Variants in SUSD4 observed in about 807,000 individuals in gnomAD.
SUSD4 encodes the protein sushi domain containing 4.
A neutral mutation model predicts 50.5 loss-of-function variants in SUSD4; 41 were observed. The ratio of observed to expected loss-of-function variants is 0.81; its 90% CI spans 0.63 to 1.05. SUSD4 has a LOEUF of 1.05. SUSD4 is among the 50% of genes least tolerant of loss of function. The pLI is 0.00. For synonymous variants in SUSD4, 257 were observed against 257.3 expected (o/e 1.00, Z 0.01); for missense variants, 580 against 634.7 (o/e 0.91, Z 0.93).
Position 223,229,187 on chromosome 1 carries a change from T to C in SUSD4, c.916+10A>G, listed in dbSNP as rs769928345. On this transcript the variant is annotated intron_variant, in intron 6 of 8. Transcript: ENST00000366878. This position sits in a 1 kb window ranked among gnomAD's most constrained non-coding sequence, Gnocchi z 4.7. Reference sequence around the variant, plus strand: ...TCCATCTCCTCCAAGGGTGAGGCCTTCAGTCTTACCTGATTTGATGCAGTA... The same window carrying C: ...TCCATCTCCTCCAAGGGTGAGGCCTCCAGTCTTACCTGATTTGATGCAGTA... 4.4e-6 allele frequency: 7 copies of C among 1,589,594 alleles called. No individual in the cohort carries two copies. Among genetic ancestry groups the C allele is most frequent in the Admixed American group, 1.7e-5 (1 of 59,608 alleles).
rs1283654069 is a variant in SUSD4, at chr1:223,229,372, T to C, written c.741A>G (p.Pro247=). The C allele has an allele frequency of 1.9e-6, 3 of 1,598,188 alleles. No homozygotes were observed. Among genetic ancestry groups the C allele is most frequent in the Non-Finnish European group, 2.6e-6 (3 of 1,167,600 alleles). ...CLALEVCPLP[P]MVSHGDFVCH... is the part of the protein sequence containing the mutation. ...AGACGAAATCTCCGTGACTCACCATTGGAGGTAGTGGACAGACTTGGGCAG... is the reference window on the plus strand; with the variant it reads ...AGACGAAATCTCCGTGACTCACCATCGGAGGTAGTGGACAGACTTGGGCAG... Residue 247 remains proline, a synonymous_variant, in exon 6 of 9, where the codon CCA becomes CCG. Coordinates refer to ENST00000366878, the MANE Select transcript of SUSD4 (RefSeq NM_017982.4). This position sits in a 1 kb window ranked among gnomAD's most constrained non-coding sequence, Gnocchi z 4.7.
At chr1:223,247,412 C>T (rs1661013401) in intron 5 of SUSD4, among the ~76,000 whole-genome samples, 1 of 152,218 alleles carries the variant, frequency 6.6e-6, no homozygotes, top group South Asian at 2.1e-4. Context: ...CCACTGGCCC[C>T]TGAATGACTG....
chr1:223,303,940 T>C (rs1665350790), intron 2 of SUSD4, among the ~76,000 whole-genome samples: 1 of 152,200 alleles, frequency 6.6e-6, no homozygotes, highest in South Asian at 2.1e-4. Context: ...TAGCAAGATA[T>C]TAATCAGCAG....
chr1:223,223,674 C>T lies in SUSD4; in HGVS notation c.1062-43G>A, dbSNP rs920942568. 9.7e-6 allele frequency: 15 copies of T among 1,544,980 alleles called. No homozygotes were observed. In the African/African-American group the frequency reaches 1.9e-4, roughly 20 times the overall value. ...GTGCCAACATGTGAGAGCCATGCCA[C>T]TCTGGGGATGAGGCCACCCATACTC... On this transcript the variant is annotated intron_variant, in intron 7 of 8. Coordinates refer to ENST00000366878, the MANE Select transcript of SUSD4 (RefSeq NM_017982.4).
At chr1:223,359,790 G>C (rs752113098) in intron 2 of SUSD4, among the ~76,000 whole-genome samples, 11 of 152,198 alleles carry the variant, frequency 7.2e-5, no homozygotes, top group South Asian at 2.1e-4. Context: ...AGAACTTACT[G>C]ACTAGGGAAA....
At chr1:223,319,491 G>A (rs1020069518) in intron 2 of SUSD4, among the ~76,000 whole-genome samples, 10 of 152,098 alleles carry the variant, frequency 6.6e-5, no homozygotes, top group African/African-American at 2.4e-4. Context: ...CAAGATGAAC[G>A]AGTCCAGCAG....
chr1:223,298,825 C>A (rs1360871532), intron 2 of SUSD4, among the ~76,000 whole-genome samples: 3 of 152,202 alleles, frequency 2.0e-5, no homozygotes, highest in Non-Finnish European at 2.9e-5. Context: ...GCGCTTATTC[C>A]TTTCCCTTTA....
intron 8 of SUSD4, 84 bp downstream of exon 8, chr1:223,223,165 A>G: frequency 6.7e-7 from 1 of 1,485,044 alleles, no homozygotes; most frequent in Non-Finnish European, 8.9e-7. Context: ...TGGGGGGTGG[A>G]GCGTGCGTAG....
At chr1:223,296,902 T>C (rs1426782922) in intron 2 of SUSD4, among the ~76,000 whole-genome samples, 2 of 152,192 alleles carry the variant, frequency 1.3e-5, no homozygotes, top group Non-Finnish European at 2.9e-5. Context: ...TGTGGAACTA[T>C]GAATCAATTA....
chr1:223,278,152 G>A (rs1387395119), intron 3 of SUSD4, among the ~76,000 whole-genome samples: 1 of 152,226 alleles, frequency 6.6e-6, no homozygotes, highest in Admixed American at 6.5e-5. Context: ...GCAGAAGACA[G>A]AAGATTTCTG....
At chr1:223,319,193 T>C (rs577435441) in intron 2 of SUSD4, among the ~76,000 whole-genome samples, 2 of 95,152 alleles carry the variant, frequency 2.1e-5, no homozygotes, top group Non-Finnish European at 4.2e-5. Flanking sequence ...CCTAAAACCA[T>C]AAAAACCCTA....
At chr1:223,273,586 T>TA (rs1257998128) in intron 3 of SUSD4, among the ~76,000 whole-genome samples, 2 of 152,228 alleles carry the variant, frequency 1.3e-5, no homozygotes, top group East Asian at 3.8e-4. Flanking sequence ...TAGTCCATGC[T>TA]AACATGTGAT....
chr1:223,233,262 T>A (rs1291015299), intron 5 of SUSD4, among the ~76,000 whole-genome samples: 2 of 152,298 alleles, frequency 1.3e-5, no homozygotes, highest in African/African-American at 4.8e-5. Context: ...GTGTTTGTAA[T>A]GATTGCACCT....
At position 223,332,106 on chromosome 1, in the gene SUSD4, T is replaced by A. The variant is rs1667209494; in HGVS notation, c.148+31172A>T. On this transcript the variant is annotated intron_variant, in intron 2 of 8. Transcript: ENST00000366878. This position sits in a 1 kb window ranked among gnomAD's most constrained non-coding sequence, Gnocchi z 4.0. ...AGCCTGGTTACAAAGCCCCCTATTC[T>A]CCAGTTGCTGATTTCTAGTCCTCTT... Among the ~76,000 whole-genome samples the A allele has an allele frequency of 6.6e-6, 1 of 152,148 alleles. No homozygotes were observed. Among genetic ancestry groups the A allele is most frequent in the Non-Finnish European group, 1.5e-5 (1 of 68,026 alleles).
chr1:223,273,348 C>T (rs1663043024), intron 3 of SUSD4, among the ~76,000 whole-genome samples: 1 of 152,132 alleles, frequency 6.6e-6, no homozygotes, highest in African/African-American at 2.4e-5. Flanking sequence ...GATTTATATC[C>T]TCAAAGGGTT....
intron 2 of SUSD4, among the ~76,000 whole-genome samples, chr1:223,348,893 C>T (rs1321510723): frequency 6.6e-6 from 1 of 152,110 alleles, no homozygotes; most frequent in African/African-American, 2.4e-5. Flanking sequence ...ATATACAAGT[C>T]TTCATACATG....
chr1:223,309,900 C>T (rs1352176095), intron 2 of SUSD4, among the ~76,000 whole-genome samples: 1 of 152,188 alleles, frequency 6.6e-6, no homozygotes, highest in Non-Finnish European at 1.5e-5. Context: ...TTACAGGGTT[C>T]CACATCAAAT....
rs533451092 is a variant in SUSD4 at position 223,264,891 on chromosome 1, C to T, written c.536-73G>A. ...GTACATCGAAAAGTCACACAGAACA[C>T]TGGAACTTTTTAGGATTCCCCCACC... On this transcript the variant is annotated intron_variant, in intron 4 of 8. Coordinates refer to ENST00000366878, the MANE Select transcript of SUSD4 (RefSeq NM_017982.4). 5.2e-5 allele frequency: 77 copies of T among 1,482,782 alleles called. No individual in the cohort carries two copies. The African/African-American group carries it at 9.8e-4, about 19-fold the overall frequency. The allele number at this position is 1,482,782 out of a possible 1,614,324, so 91.9% of individuals were successfully genotyped here. A position where few individuals can be genotyped will look rare whatever the true frequency, so the allele number is the denominator to read the frequency against.
chr1:223,251,722 T>C (rs1375634983), intron 5 of SUSD4, among the ~76,000 whole-genome samples: 1 of 152,196 alleles, frequency 6.6e-6, no homozygotes, highest in Non-Finnish European at 1.5e-5. Context: ...TACGTGTGCA[T>C]GTGTCTTTAT....
Sources: gnomAD v4.1 joint callset for allele counts (sites outside exome capture counted in the v4.1 genomes callset) on GRCh38, gnomAD v4.1.1 for gene constraint, Gnocchi (gnomAD v3.1) non-coding constraint, MANE v1.5 for transcripts, NCBI Gene and HGNC (gene_info 2026-07-23, HGNC 2026-07-21) for gene names.